FAM124B: variants seen among roughly 807,000 people sequenced by gnomAD.
FAM124B encodes family with sequence similarity 124 member B.
In FAM124B, 18 loss-of-function variants were observed where a neutral mutation model predicts 19.7. The observed-to-expected ratio is 0.92, with a 90% CI of 0.63 to 1.36. The LOEUF (loss-of-function observed/expected upper bound fraction) is 1.36. Ranked by LOEUF, FAM124B falls within the 40% of genes most tolerant of loss-of-function variation. FAM124B has a pLI of 0.00. For synonymous variants in FAM124B, 223 were observed against 225.2 expected (o/e 0.99, Z 0.09); for missense variants, 540 against 553.3 (o/e 0.98, Z 0.24).
In FAM124B at chr2:224,379,835, A is replaced by G. The variant is rs1689685081; in HGVS notation, c.1106T>C (p.Ile369Thr). The change falls in exon 2 of 2, where the codon ATC becomes ACC. Residue 369 changes from isoleucine (I) to threonine (T), a missense_variant. Physicochemically the swap from Ile to Thr is moderately conservative, Grantham distance 89 (BLOSUM62 -1). Coordinates refer to ENST00000409685, the MANE Select transcript of FAM124B (RefSeq NM_001122779.2). ...AGTCTGCCTGGGTTCAGAATTTATG[A>G]TGGTCAAGCCGGTGTCAACATTCGT... The part of the protein sequence containing the change: ...AETNVDTGLT[I>T]INSEPRQTYF... 2 of 1,551,816 alleles carry G rather than the reference A, an allele frequency of 1.3e-6. No homozygotes were observed. The highest frequency in any genetic ancestry group is 1.7e-6 in the Non-Finnish European group (2 of 1,147,044).
rs772484575 is a variant in FAM124B at position 224,401,130 on chromosome 2, GC to G, written c.638del (p.Gly213AlafsTer3). ...SVLQFKVQEI[G>X]QLVPLLPNPC... ...GATTGGGTAGCAGAGGCACTAACTG[GC>G]CGATCTCTTGAACCTTAAACTGCAG... On this transcript the variant is annotated frameshift_variant, in exon 1 of 2. Transcript: ENST00000409685. LOFTEE classifies it high-confidence loss of function. 1.2e-6 allele frequency: 2 copies of G among 1,614,164 alleles called. No individual in the cohort carries two copies. The highest frequency in any genetic ancestry group is 2.2e-5 in the South Asian group (2 of 91,084).
At chr2:224,397,890 A>G (rs1689999327) in intron 1 of FAM124B, among the ~76,000 whole-genome samples, 1 of 152,218 alleles carries the variant, frequency 6.6e-6, no homozygotes, top group African/African-American at 2.4e-5. Context: ...TAATTCACTC[A>G]TAGTAAATGA....
intron 1 of FAM124B, among the ~76,000 whole-genome samples, chr2:224,382,405 C>CTTTTT (rs71062905): frequency 1.1e-4 from 12 of 106,408 alleles, no homozygotes; most frequent in Non-Finnish European, 1.6e-4. Flanking sequence ...GATTCCCTGT[C>CTTTTT]TTTTTTTTTT....
At chr2:224,380,755 A>G (rs1474516948) in intron 1 of FAM124B, among the ~76,000 whole-genome samples, 1 of 152,218 alleles carries the variant, frequency 6.6e-6, no homozygotes, top group Non-Finnish European at 1.5e-5. Flanking sequence ...TTTGGCAGCA[A>G]TATTCTTTAA....
At chr2:224,398,547 CG>C (rs1186470301) in intron 1 of FAM124B, among the ~76,000 whole-genome samples, 1 of 152,158 alleles carries the variant, frequency 6.6e-6, no homozygotes, top group African/African-American at 2.4e-5. Context: ...TTCCAGAAGG[CG>C]ATCTCTCACT....
chr2:224,388,999 C>T (rs976971133), intron 1 of FAM124B, among the ~76,000 whole-genome samples: 2 of 152,174 alleles, frequency 1.3e-5, no homozygotes, highest in Non-Finnish European at 2.9e-5. Context: ...GTGGCACGAT[C>T]TCAGCTTACT....
intron 1 of FAM124B, among the ~76,000 whole-genome samples, chr2:224,384,888 T>A (rs1689778452): frequency 6.6e-6 from 1 of 152,122 alleles, no homozygotes; most frequent in African/African-American, 2.4e-5. Flanking sequence ...CTTTCTTATC[T>A]TGGATGTTTA....
At chr2:224,385,246 G>C (rs1256780239) in intron 1 of FAM124B, among the ~76,000 whole-genome samples, 1 of 152,098 alleles carries the variant, frequency 6.6e-6, no homozygotes, top group African/African-American at 2.4e-5. Flanking sequence ...TCTACAATCA[G>C]CCCTCCTGTC....
intron 1 of FAM124B, among the ~76,000 whole-genome samples, chr2:224,387,235 G>A (rs1349767839): frequency 1.3e-5 from 2 of 152,164 alleles, no homozygotes; most frequent in East Asian, 1.9e-4. Flanking sequence ...TAGATTGAGA[G>A]CTAGGTTTTT....
chr2:224,398,838 T>C (rs1690017107), intron 1 of FAM124B, among the ~76,000 whole-genome samples: 1 of 152,186 alleles, frequency 6.6e-6, no homozygotes. Context: ...TAGCTGGGCA[T>C]GTTGGCAGGC....
At chr2:224,380,746 T>C (rs1401649060) in intron 1 of FAM124B, among the ~76,000 whole-genome samples, 2 of 152,176 alleles carry the variant, frequency 1.3e-5, no homozygotes. Flanking sequence ...GGCTAATAAT[T>C]TGGCAGCAAT....
chr2:224,383,040 A>G (rs1385345043), intron 1 of FAM124B, among the ~76,000 whole-genome samples: 1 of 152,160 alleles, frequency 6.6e-6, no homozygotes, highest in Non-Finnish European at 1.5e-5. Context: ...ACACTGTTGA[A>G]GGGATGCCCA....
chr2:224,381,790 A>G (rs1333888649), intron 1 of FAM124B, among the ~76,000 whole-genome samples: 2 of 152,196 alleles, frequency 1.3e-5, no homozygotes, highest in Non-Finnish European at 2.9e-5. Context: ...GGAAGGTTGT[A>G]TATGGGAACT....
chr2:224,392,211 G>A (rs946034225), intron 1 of FAM124B, among the ~76,000 whole-genome samples: 1 of 152,150 alleles, frequency 6.6e-6, no homozygotes, highest in Admixed American at 6.5e-5. Context: ...TTGAGGCCAA[G>A]GCAGGAAGAT....
chr2:224,389,682 A>G (rs1689850198), intron 1 of FAM124B, among the ~76,000 whole-genome samples: 1 of 152,114 alleles, frequency 6.6e-6, no homozygotes, highest in South Asian at 2.1e-4. Context: ...TGAGTCTGGG[A>G]TGGGGATGAG....
chr2:224,391,266 G>A (rs1202073345), intron 1 of FAM124B, among the ~76,000 whole-genome samples: 1 of 150,552 alleles, frequency 6.6e-6, no homozygotes, highest in Non-Finnish European at 1.5e-5. Context: ...GCTTGAACCC[G>A]GGAGGCGGAG....
chr2:224,395,533 C>T (rs1003844732), intron 1 of FAM124B, among the ~76,000 whole-genome samples: 11 of 152,098 alleles, frequency 7.2e-5, no homozygotes, highest in African/African-American at 1.7e-4. Context: ...ACTGTTTGAA[C>T]GAATAAAGGG....
chr2:224,398,436 A>G (rs1261721420), intron 1 of FAM124B, among the ~76,000 whole-genome samples: 1 of 152,186 alleles, frequency 6.6e-6, no homozygotes, highest in Non-Finnish European at 1.5e-5. Flanking sequence ...TCAAAGAATC[A>G]AAAGCTATCT....
Position 224,400,218 on chromosome 2 carries a change from C to T in FAM124B, c.732+819G>A, listed in dbSNP as rs1228509971. On this transcript the variant is annotated intron_variant, in intron 1 of 1. Coordinates refer to ENST00000409685, the MANE Select transcript of FAM124B (RefSeq NM_001122779.2). ...GCACATGTATACCTGTGTAACAAAC[C>T]TGCACTTTGTGCACATGTACCCCAG... 1.3e-4 allele frequency: 53 copies of T among 403,888 alleles called. No individual in the cohort carries two copies. The Admixed American group carries it at 2.1e-3, about 16-fold the overall frequency. The allele number at this position is 403,888 out of a possible 1,614,324, so 25.0% of individuals were successfully genotyped here.
Sources: gnomAD v4.1 joint callset for allele counts (sites outside exome capture counted in the v4.1 genomes callset) on GRCh38, gnomAD v4.1.1 for gene constraint, MANE v1.5 for transcripts, NCBI Gene and HGNC (gene_info 2026-07-23, HGNC 2026-07-21) for gene names.